Variants in WWTR1 observed in about 807,000 individuals in gnomAD.
WWTR1 encodes the protein WW domain containing transcription regulator 1.
In WWTR1, 13 loss-of-function variants were observed where a neutral mutation model predicts 40.1. The observed-to-expected ratio is 0.32, with a 90% CI of 0.21 to 0.52. The LOEUF (loss-of-function observed/expected upper bound fraction) is 0.52. WWTR1 is among the 20% of genes least tolerant of loss of function. The pLI, the probability that WWTR1 is intolerant of heterozygous loss-of-function variation, is 0.97. For synonymous variants in WWTR1, 230 were observed against 210.1 expected, an observed-to-expected ratio of 1.09 and a Z score of -0.82; for missense variants, 436 against 523.1, an observed-to-expected ratio of 0.83 and a Z score of 1.63.
At chr3:149,592,990 T>C (rs980258417) in intron 2 of WWTR1, among the ~76,000 whole-genome samples, 2 of 152,100 alleles carry the variant, frequency 1.3e-5, no homozygotes, top group African/African-American at 4.8e-5. Flanking sequence ...TTCCTATCCC[T>C]GCTAAAAAAA....
rs530733264 is a variant in WWTR1, at chr3:149,568,337, G to A, written c.568+4527C>T. Among the ~76,000 whole-genome samples the A allele has an allele frequency of 3.4e-4, 50 of 147,220 alleles. 1 individual carries two copies. The highest frequency in any genetic ancestry group is 5.4e-4 in the Non-Finnish European group (37 of 67,970). Reference sequence around the variant, plus strand: ...GGAGGTGGAGGTTGCAGTGAGCCAAGTCTAAAGTCCCCCAAGGTCGTCTTT... The same window carrying A: ...GGAGGTGGAGGTTGCAGTGAGCCAAATCTAAAGTCCCCCAAGGTCGTCTTT... On this transcript the variant is annotated intron_variant, in intron 3 of 6. Transcript: ENST00000360632.
At chr3:149,524,206 A>C (rs957090583) in intron 6 of WWTR1, among the ~76,000 whole-genome samples, 8 of 152,164 alleles carry the variant, frequency 5.3e-5, no homozygotes, top group African/African-American at 1.9e-4. Flanking sequence ...TGTTGGCTAA[A>C]ACTATGTTCT....
At chr3:149,669,185 C>T (rs12495633) in intron 2 of WWTR1, among the ~76,000 whole-genome samples, 2 of 152,124 alleles carry the variant, frequency 1.3e-5, no homozygotes, top group Admixed American at 6.5e-5. Flanking sequence ...TATACAAGAA[C>T]CCCCACATAT....
At chr3:149,721,589 G>C (rs773592341) in intron 4 of WWTR1, among the ~76,000 whole-genome samples, 2 of 152,204 alleles carry the variant, frequency 1.3e-5, no homozygotes, top group Non-Finnish European at 2.9e-5. Flanking sequence ...GTCTTTGTCT[G>C]GCTTTGGTAT....
rs187948342 is a variant in WWTR1 at position 149,697,318 on chromosome 3, T to C, written c.-108+5806A>G. On this transcript the variant is annotated intron_variant, in intron 1 of 7. Transcript: ENST00000465804. ...GAGAGAGGGGAAAGGTGCCACAGTCTTTTAAACAAACAGATCTCATGTAAA... is the reference window on the plus strand; with the variant it reads ...GAGAGAGGGGAAAGGTGCCACAGTCCTTTAAACAAACAGATCTCATGTAAA... Among the ~76,000 whole-genome samples the C allele has an allele frequency of 7.4e-4, 109 of 148,234 alleles. 1 individual carries two copies. Among genetic ancestry groups the C allele is most frequent in the Admixed American group, 5.7e-3 (83 of 14,642 alleles).
chr3:149,611,016 G>A (rs561152601), intron 2 of WWTR1, among the ~76,000 whole-genome samples: 106 of 152,154 alleles, frequency 7.0e-4, no homozygotes, highest in African/African-American at 2.6e-3. Flanking sequence ...GCTGGGCATG[G>A]TGGTTCATAT....
At chr3:149,552,850 G>T (rs1269213508) in intron 3 of WWTR1, among the ~76,000 whole-genome samples, 1 of 152,180 alleles carries the variant, frequency 6.6e-6, no homozygotes, top group Admixed American at 6.5e-5. Context: ...ATGTCCCAGG[G>T]TTCTTTCATC....
chr3:149,526,508 A>C (rs1266121040), intron 5 of WWTR1, among the ~76,000 whole-genome samples: 1 of 152,294 alleles, frequency 6.6e-6, no homozygotes, highest in East Asian at 1.9e-4. Flanking sequence ...GACACACGCC[A>C]GTTTCTGAAT....
chr3:149,665,227 CTTTTTTT>C (rs11398199), intron 2 of WWTR1, among the ~76,000 whole-genome samples: 8 of 128,278 alleles, frequency 6.2e-5, no homozygotes, highest in Non-Finnish European at 1.1e-4. Context: ...TCCTTTCTTT[CTTTTTTT>C]TTTTTTTTTT....
upstream of WWTR1, among the ~76,000 whole-genome samples, chr3:149,705,720 A>C (rs1244830144): frequency 6.6e-6 from 1 of 152,220 alleles, no homozygotes; most frequent in Non-Finnish European, 1.5e-5. Context: ...AAGCACTGAA[A>C]ACATATATTA....
chr3:149,722,222 TCTTC>T (rs1205204406), intron 4 of WWTR1, among the ~76,000 whole-genome samples: 1 of 152,032 alleles, frequency 6.6e-6, no homozygotes, highest in Non-Finnish European at 1.5e-5. Flanking sequence ...CCTCTATTCT[TCTTC>T]TATTCTCTAT....
intron 2 of WWTR1, among the ~76,000 whole-genome samples, chr3:149,636,810 A>G (rs981423342): frequency 4.6e-5 from 7 of 151,984 alleles, no homozygotes; most frequent in African/African-American, 1.7e-4. Context: ...AGTATTATGC[A>G]CAAAAAATTA....
intron 3 of WWTR1, among the ~76,000 whole-genome samples, chr3:149,564,018 C>A (rs746293682): frequency 6.6e-6 from 1 of 152,090 alleles, no homozygotes; most frequent in Non-Finnish European, 1.5e-5. Flanking sequence ...CCTCCCAAAG[C>A]GCTGGGATTA....
intron 2 of WWTR1, among the ~76,000 whole-genome samples, chr3:149,600,272 T>G (rs1391415106): frequency 6.6e-6 from 1 of 152,230 alleles, no homozygotes; most frequent in Admixed American, 6.5e-5. Context: ...ATGCCATTAT[T>G]AAGAATCAGT....
intron 2 of WWTR1, among the ~76,000 whole-genome samples, chr3:149,647,653 T>G (rs1483355488): frequency 6.6e-6 from 1 of 152,232 alleles, no homozygotes; most frequent in Non-Finnish European, 1.5e-5. Flanking sequence ...CCCACAATTT[T>G]GGAACTGTAC....
rs1715799376 is a variant in WWTR1, at chr3:149,723,200, T to TC, written n.459+879_459+880insG. Among the ~76,000 whole-genome samples the TC allele has an allele frequency of 4.1e-5, 6 of 146,362 alleles. No homozygotes were observed. In the South Asian group the frequency reaches 1.3e-3, roughly 31 times the overall value. ...CTTTTCTTTTCTTTTTTTTTTTTTTTTTTTTGAGACAGAGTTTTGCTCCTG... is the reference window on the plus strand; with the variant it reads ...CTTTTCTTTTCTTTTTTTTTTTTTTTCTTTTTGAGACAGAGTTTTGCTCCTG... On this transcript the variant is annotated intron_variant and non_coding_transcript_variant, in intron 4 of 6. Coordinates refer to the WWTR1 transcript ENST00000474080.
chr3:149,551,027 G>A (rs772510582), intron 3 of WWTR1, among the ~76,000 whole-genome samples: 1 of 144,102 alleles, frequency 6.9e-6, no homozygotes, highest in African/African-American at 2.7e-5. Context: ...AAGCCGGCAC[G>A]GTGGCTCAGG....
chr3:149,600,107 A>G (rs1034564414), intron 2 of WWTR1, among the ~76,000 whole-genome samples: 1 of 152,246 alleles, frequency 6.6e-6, no homozygotes, highest in East Asian at 1.9e-4. Flanking sequence ...TTATGCAAAT[A>G]TGATGACATT....
chr3:149,681,247 AC>A (rs1714451550), intron 1 of WWTR1, among the ~76,000 whole-genome samples: 1 of 152,294 alleles, frequency 6.6e-6, no homozygotes, highest in South Asian at 2.1e-4. Flanking sequence ...TTTTTGAAGA[AC>A]CTCCATGCTG....
Sources: gnomAD v4.1 joint callset for allele counts (sites outside exome capture counted in the v4.1 genomes callset) on GRCh38, gnomAD v4.1.1 for gene constraint, MANE v1.5 for transcripts, NCBI Gene and HGNC (gene_info 2026-07-23, HGNC 2026-07-21) for gene names.